Variants in NFATC3 observed in about 807,000 individuals in gnomAD.
NFATC3 encodes the protein nuclear factor of activated T cells 3, also known as nuclear factor of activated T-cells, cytoplasmic 3.
NFATC3 carries 46 observed loss-of-function variants against 98.6 expected under a neutral mutation model. The ratio of observed to expected loss-of-function variants is 0.47; its 90% confidence interval spans 0.37 to 0.60. The LOEUF (loss-of-function observed/expected upper bound fraction) is 0.60. Ranked by LOEUF, NFATC3 falls within the 20% of genes least tolerant of loss-of-function variation. NFATC3 has a pLI of 0.00. For missense variants in NFATC3, 1,256 were observed against 1,295.5 expected, an observed-to-expected ratio of 0.97 and a Z score of 0.47; for synonymous variants, 512 against 472.2, an observed-to-expected ratio of 1.08 and a Z score of -1.09.
intron 3 of NFATC3, among the ~76,000 whole-genome samples, chr16:68,132,074 T>C (rs1239768147): frequency 1.3e-5 from 2 of 152,240 alleles, no homozygotes; most frequent in African/African-American, 4.8e-5. Flanking sequence ...TCATGTGTAC[T>C]GCTTATTTTT....
intron 5 of NFATC3, 108 bp downstream of exon 5, chr16:68,167,123 C>T (rs898592822): frequency 8.8e-7 from 1 of 1,138,170 alleles, no homozygotes; most frequent in African/African-American, 1.5e-5. Context: ...GGCATACAAT[C>T]TGGGTTGCTG....
chr16:68,125,907 T>A (rs1010389980), intron 2 of NFATC3, among the ~76,000 whole-genome samples: 1 of 152,100 alleles, frequency 6.6e-6, no homozygotes. Flanking sequence ...TATTATTATT[T>A]TTTGAGACAG....
intron 4 of NFATC3, among the ~76,000 whole-genome samples, chr16:68,164,755 C>T (rs988137916): frequency 2.0e-5 from 3 of 151,950 alleles, no homozygotes; most frequent in African/African-American, 4.8e-5. Context: ...TGGTGCACGC[C>T]TGTAATCCCA....
intron 2 of NFATC3, among the ~76,000 whole-genome samples, chr16:68,126,221 A>G (rs879256357): frequency 2.0e-5 from 3 of 152,226 alleles, no homozygotes; most frequent in Admixed American, 1.3e-4. Context: ...ATCTTTAAGC[A>G]TGTACCACCT....
chr16:68,100,920 G>A (rs2035314669), intron 1 of NFATC3, among the ~76,000 whole-genome samples: 1 of 150,720 alleles, frequency 6.6e-6, no homozygotes, highest in Admixed American at 6.6e-5. Flanking sequence ...GTGTGTGTGT[G>A]TGTGTGTGTG....
intron 6 of NFATC3, among the ~76,000 whole-genome samples, chr16:68,177,355 A>T (rs889085331): frequency 2.0e-5 from 3 of 152,102 alleles, no homozygotes; most frequent in Admixed American, 6.6e-5. Context: ...CCGCCTGGTC[A>T]TATATATTTT....
At chr16:68,220,810 TC>T (rs1461099034) in intron 9 of NFATC3, among the ~76,000 whole-genome samples, 4 of 150,008 alleles carry the variant, frequency 2.7e-5, no homozygotes, top group African/African-American at 9.8e-5. Context: ...TCCCAGCTAC[TC>T]GGGAGGCTGA....
At chr16:68,200,816 TG>T (rs1434875881) in intron 9 of NFATC3, 1 of 152,172 alleles carries the variant, frequency 6.6e-6, no homozygotes, top group Admixed American at 6.6e-5. Flanking sequence ...TGCCTGGAAA[TG>T]TAATTTTCCG....
At chr16:68,105,912 T>C (rs1403322974) in intron 1 of NFATC3, among the ~76,000 whole-genome samples, 2 of 152,158 alleles carry the variant, frequency 1.3e-5, no homozygotes, top group African/African-American at 4.8e-5. Flanking sequence ...AGAGTCTCAC[T>C]CTGTTGCTCA....
intron 3 of NFATC3, among the ~76,000 whole-genome samples, chr16:68,135,457 CAAAAAAAAA>C (rs60331468): frequency 0.31 from 24,510 of 78,522 alleles, 2,644 homozygotes; most frequent in Middle Eastern, 0.41. Context: ...GACTCCGTCT[CAAAAAAAAA>C]AAAAAAAAAA....
At chr16:68,124,464 G>A (rs1359969358) in intron 2 of NFATC3, among the ~76,000 whole-genome samples, 3 of 142,664 alleles carry the variant, frequency 2.1e-5, no homozygotes, top group South Asian at 2.2e-4. Context: ...ATGGAGTCTC[G>A]CTCTGTTGCC....
Position 68,174,510 on chromosome 16 carries a change from A to AC in NFATC3, c.1912dup (p.Gln638ProfsTer26). 6.2e-7 allele frequency: 1 copy of AC among 1,600,410 alleles called. No homozygotes were observed. The highest frequency in any genetic ancestry group is 8.5e-7 in the Non-Finnish European group (1 of 1,174,532). On this transcript the variant is annotated frameshift_variant, in exon 6 of 10. Transcript: ENST00000346183. LOFTEE classifies it high-confidence loss of function. ...CCAAAATCATTTTTCTTGAAAAAGG[A>AC]CAAGGTAAGTAATATATGAGTTGAT...
At chr16:68,120,421 TAAC>T (rs2036509694) in intron 1 of NFATC3, among the ~76,000 whole-genome samples, 1 of 150,940 alleles carries the variant, frequency 6.6e-6, no homozygotes, top group African/African-American at 2.4e-5. Flanking sequence ...CTACTAAAAA[TAAC>T]AAAAATTAGC....
At chr16:68,145,128 T>C (rs1282250331) in intron 3 of NFATC3, among the ~76,000 whole-genome samples, 1 of 147,682 alleles carries the variant, frequency 6.8e-6, no homozygotes, top group African/African-American at 2.5e-5. Context: ...TTTCTTTCTC[T>C]CTCTCTTTTT....
chr16:68,172,028 G>A (rs1039355391), intron 5 of NFATC3, among the ~76,000 whole-genome samples: 1 of 151,594 alleles, frequency 6.6e-6, no homozygotes, highest in Admixed American at 6.6e-5. Flanking sequence ...AACAGCAAAA[G>A]TGTGTTCAGG....
chr16:68,095,163 C>T (rs2034945675), intron 1 of NFATC3, among the ~76,000 whole-genome samples: 1 of 151,876 alleles, frequency 6.6e-6, no homozygotes. Context: ...TCTGTGCTTA[C>T]TATCCACAGT....
At chr16:68,152,492 C>T (rs556280124) in intron 3 of NFATC3, among the ~76,000 whole-genome samples, 1 of 151,738 alleles carries the variant, frequency 6.6e-6, no homozygotes, top group South Asian at 2.1e-4. Context: ...CTTTTATAGG[C>T]CAAAATGGGC....
intron 9 of NFATC3, among the ~76,000 whole-genome samples, chr16:68,193,368 A>G (rs2040527735): frequency 1.3e-5 from 2 of 152,150 alleles, no homozygotes; most frequent in African/African-American, 4.8e-5. Context: ...CTCAAGTTTC[A>G]CAGTCACCCT....
intron 3 of NFATC3, among the ~76,000 whole-genome samples, chr16:68,145,330 A>T (rs925441689): frequency 6.6e-6 from 1 of 151,934 alleles, no homozygotes; most frequent in African/African-American, 2.4e-5. Flanking sequence ...TTTTGTAGAG[A>T]TGGGGTTTCA....
Sources: gnomAD v4.1 joint callset for allele counts (sites outside exome capture counted in the v4.1 genomes callset) on GRCh38, gnomAD v4.1.1 for gene constraint, MANE v1.5 for transcripts, NCBI Gene and HGNC (gene_info 2026-07-23, HGNC 2026-07-21) for gene names.